GPR180: variants seen among roughly 807,000 people sequenced by gnomAD.
GPR180 encodes integral membrane protein GPR180.
In GPR180, 53 loss-of-function variants were observed where a neutral mutation model predicts 52.6. The observed-to-expected ratio is 1.01, with a 90% CI of 0.81 to 1.27. The LOEUF is 1.27. Among genes scored for constraint, GPR180 ranks in the 50% most tolerant of loss-of-function variants. The pLI is 0.00. For synonymous variants in GPR180, 200 were observed against 193.1 expected (o/e 1.04, Z -0.30); for missense variants, 533 against 527.0 (o/e 1.01, Z -0.11).
rs1339769648 is a variant in GPR180 at position 94,601,877 on chromosome 13, C to CAGCCGCCGGCGGCTGGG, written c.-45_-29dup. ...CCCCCAGCTGCCGACGTGGGGCGGG[C>CAGCCGCCGGCGGCTGGG]AGCCGCCGGCGGCTGGGAGCCGAGG... On this transcript the variant is annotated 5_prime_UTR_variant, in exon 1 of 9. Coordinates refer to ENST00000376958, the MANE Select transcript of GPR180 (RefSeq NM_180989.6). 1.5e-6 allele frequency: 2 copies of CAGCCGCCGGCGGCTGGG among 1,334,650 alleles called. No individual in the cohort carries two copies. The highest frequency in any genetic ancestry group is 1.9e-6 in the Non-Finnish European group (2 of 1,042,052). 82.7% of individuals were successfully genotyped at this position (1,334,650 alleles called of 1,614,324 possible).
chr13:94,620,316 TAA>T (rs57359433), intron 5 of GPR180, among the ~76,000 whole-genome samples: 4,528 of 152,326 alleles, frequency 0.03, 222 homozygotes, highest in African/African-American at 0.1. Flanking sequence ...AGAAAAGTGA[TAA>T]GTTTTCTTAA....
At position 94,630,262 on chromosome 13, in the gene GPR180, C is replaced by A. The variant is rs1889977093; in HGVS notation, c.*3091C>A. 1 of 152,116 alleles carries A rather than the reference C, an allele frequency of 6.6e-6. No individual in the cohort carries two copies. The highest frequency in any genetic ancestry group is 1.5e-5 in the Non-Finnish European group (1 of 68,026). The allele number at this position is 152,116 out of a possible 1,614,324, so 9.4% of individuals were successfully genotyped here. On this transcript the variant is annotated 3_prime_UTR_variant, in exon 9 of 9. Coordinates refer to ENST00000376958, the MANE Select transcript of GPR180 (RefSeq NM_180989.6). ...CACTTGGGCAGCCTTCTGCACAGCT[C>A]CAGGGGCATCATATGTGTTGTGCTG...
At chr13:94,614,910 G>A (rs925256911) in intron 3 of GPR180, among the ~76,000 whole-genome samples, 6 of 152,294 alleles carry the variant, frequency 3.9e-5, no homozygotes, top group Non-Finnish European at 5.9e-5. Flanking sequence ...ATCCAAAAGC[G>A]TCCAGCCTTG....
chr13:94,602,912 CTTTGA>C (rs1373021230), intron 1 of GPR180, among the ~76,000 whole-genome samples: 12 of 152,238 alleles, frequency 7.9e-5, no homozygotes, highest in African/African-American at 1.4e-4. Flanking sequence ...ACATTAGGAA[CTTTGA>C]TTTGTACAGT....
chr13:94,622,558 A>G (rs1889865426), intron 6 of GPR180, among the ~76,000 whole-genome samples: 1 of 152,188 alleles, frequency 6.6e-6, no homozygotes, highest in Non-Finnish European at 1.5e-5. Flanking sequence ...GGAAGTTTGA[A>G]TATGTAAAAA....
rs756124263 is a variant in GPR180 at position 94,627,000 on chromosome 13, CT to C, written c.1165-9del. On this transcript the variant is annotated splice_polypyrimidine_tract_variant and intron_variant, in intron 8 of 8. Transcript: ENST00000376958. ...TGCATGTAGTAAAAGCATTCCTTTCCTTTTCTTTTCAGGTTATTACAATAGG... is the reference window on the plus strand; with the variant it reads ...TGCATGTAGTAAAAGCATTCCTTTCCTTTCTTTTCAGGTTATTACAATAGG... 2.0e-5 allele frequency: 31 copies of C among 1,561,924 alleles called. No individual in the cohort carries two copies. In the South Asian group the frequency reaches 3.0e-4, roughly 15 times the overall value.
intron 6 of GPR180, 72 bp from the exon 7 acceptor site, chr13:94,623,037 A>G: frequency 9.1e-7 from 1 of 1,099,684 alleles, no homozygotes; most frequent in Non-Finnish European, 1.3e-6. Context: ...GATGTTTATT[A>G]AAGAGTTGAA....
intron 3 of GPR180, among the ~76,000 whole-genome samples, chr13:94,615,647 T>C (rs1048603395): frequency 2.6e-5 from 4 of 152,200 alleles, no homozygotes; most frequent in African/African-American, 9.6e-5. Context: ...TTAGAATCCT[T>C]GTTAACTGTA....
At position 94,628,398 on chromosome 13, in the gene GPR180, CTTT is replaced by C. The variant is rs1388897637; in HGVS notation, c.*1229_*1231del. 1 of 151,956 alleles carries C rather than the reference CTTT, an allele frequency of 6.6e-6. No homozygotes were observed. Among genetic ancestry groups the C allele is most frequent in the East Asian group, 1.9e-4 (1 of 5,190 alleles). The allele number at this position is 151,956 out of a possible 1,614,324, so 9.4% of individuals were successfully genotyped here. ...TTGCTGTTTGTCAAGCTGTTCAGGC[CTTT>C]TCCTTTTTACTTCTGGCTTATTTTA... On this transcript the variant is annotated 3_prime_UTR_variant, in exon 9 of 9. Transcript: ENST00000376958.
intron 2 of GPR180, among the ~76,000 whole-genome samples, chr13:94,611,431 C>A (rs775515529): frequency 5.3e-5 from 8 of 152,158 alleles, no homozygotes; most frequent in Non-Finnish European, 1.2e-4. Context: ...ATGCCATAGA[C>A]TGTACACTTA....
At chr13:94,602,482 CTT>C (rs34288293) in intron 1 of GPR180, among the ~76,000 whole-genome samples, 23 of 134,442 alleles carry the variant, frequency 1.7e-4, no homozygotes, top group Admixed American at 3.0e-4. Context: ...CTTAAATTTC[CTT>C]TTTTTTTTTT....
chr13:94,625,926 C>A, intron 7 of GPR180, 40 bp from the exon 8 acceptor site: 1 of 1,495,426 alleles, frequency 6.7e-7, no homozygotes, highest in Non-Finnish European at 9.3e-7. Flanking sequence ...TGAAAAAAAG[C>A]TACACAGTTC....
intron 6 of GPR180, among the ~76,000 whole-genome samples, chr13:94,621,534 G>A (rs1889851466): frequency 6.6e-6 from 1 of 152,108 alleles, no homozygotes; most frequent in Non-Finnish European, 1.5e-5. Flanking sequence ...CTAGGTTAGA[G>A]TCTTATTTCC....
At chr13:94,604,921 G>T (rs1889610026) in intron 1 of GPR180, among the ~76,000 whole-genome samples, 1 of 151,992 alleles carries the variant, frequency 6.6e-6, no homozygotes, top group African/African-American at 2.4e-5. Flanking sequence ...TTTGTTTTAG[G>T]TATAATATGT....
In GPR180 at chr13:94,602,024, G is replaced by T; in HGVS notation, c.97G>T (p.Ala33Ser). The T allele has an allele frequency of 6.8e-7, 1 of 1,464,522 alleles. No individual in the cohort carries two copies. Among genetic ancestry groups the T allele is most frequent in the Non-Finnish European group, 9.0e-7 (1 of 1,108,896 alleles). 90.7% of individuals were successfully genotyped at this position (1,464,522 alleles called of 1,614,324 possible). The change falls in exon 1 of 9, where the codon GCG (alanine) becomes TCG (serine). Residue 33 changes from alanine (A) to serine (S), a missense_variant. Ala to Ser is a moderately conservative substitution (Grantham distance 99). Transcript: ENST00000376958. ...KTLRGSFSST[A>S]AQDAQGQRIG... is the part of the protein sequence containing the mutation. ...CCTGCGGGGCAGCTTCAGCAGCACCGCGGCCCAGGACGCCCAGGGCCAGCG... is the reference window on the plus strand; with the variant it reads ...CCTGCGGGGCAGCTTCAGCAGCACCTCGGCCCAGGACGCCCAGGGCCAGCG...
intron 2 of GPR180, among the ~76,000 whole-genome samples, chr13:94,607,683 G>A (rs1566976682): frequency 6.6e-6 from 1 of 151,902 alleles, no homozygotes; most frequent in Non-Finnish European, 1.5e-5. Flanking sequence ...CGCTTCCACT[G>A]TTTCATGTAC....
At chr13:94,624,867 T>C (rs1889905295) in intron 7 of GPR180, among the ~76,000 whole-genome samples, 1 of 148,380 alleles carries the variant, frequency 6.7e-6, no homozygotes, top group African/African-American at 2.5e-5. Flanking sequence ...GGAGTTTCGC[T>C]CTTGTCCAGG....
chr13:94,603,303 T>A (rs1213530223), intron 1 of GPR180, among the ~76,000 whole-genome samples: 3 of 152,178 alleles, frequency 2.0e-5, no homozygotes, highest in Non-Finnish European at 4.4e-5. Context: ...TGGACAGTGT[T>A]GGAAAATGTG....
At chr13:94,623,674 T>C (rs1030625980) in intron 7 of GPR180, among the ~76,000 whole-genome samples, 64 of 149,536 alleles carry the variant, frequency 4.3e-4, no homozygotes, top group Non-Finnish European at 7.7e-4. Flanking sequence ...GGCGAGACCT[T>C]CTTTTTTTCA....
Sources: gnomAD v4.1 joint callset for allele counts (sites outside exome capture counted in the v4.1 genomes callset) on GRCh38, gnomAD v4.1.1 for gene constraint, MANE v1.5 for transcripts, NCBI Gene and HGNC (gene_info 2026-07-23, HGNC 2026-07-21) for gene names.